The following CHSY3 variants were observed in gnomAD, a reference collection of about 807,000 sequenced individuals.
CHSY3 encodes chondroitin sulfate synthase 3.
CHSY3 carries 35 observed loss-of-function variants against 67.2 expected under a neutral mutation model. That is an observed-to-expected ratio of 0.52 (90% CI 0.40 to 0.69). The LOEUF is 0.69. CHSY3 is among the 30% of genes least tolerant of loss of function. The pLI, the probability that CHSY3 is intolerant of heterozygous loss-of-function variation, is 0.00. For missense variants in CHSY3, 1,069 were observed against 1,138.5 expected (o/e 0.94, Z 0.88); for synonymous variants, 474 against 434.7 (o/e 1.09, Z -1.12).
intron 2 of CHSY3, among the ~76,000 whole-genome samples, chr5:130,008,070 G>A (rs773265234): frequency 2.0e-5 from 3 of 152,070 alleles, no homozygotes; most frequent in African/African-American, 2.4e-5. Flanking sequence ...CTGCAGCATC[G>A]CCCACCAGTT....
In CHSY3 at chr5:130,079,567, C is replaced by T. The variant is rs764678381; in HGVS notation, c.1087-104662C>T. On this transcript the variant is annotated intron_variant, in intron 2 of 2. Transcript: ENST00000305031. ...TCTAATATCTAAAGAAAATAGTTTC[C>T]GGGACAAGAAGAATAGAATCACAGT... Among the ~76,000 whole-genome samples the T allele has an allele frequency of 4.6e-5, 7 of 152,008 alleles. No homozygotes were observed. In the East Asian group the frequency reaches 9.7e-4, roughly 21 times the overall value.
chr5:130,164,485 A>T (rs1769669548), intron 2 of CHSY3, among the ~76,000 whole-genome samples: 1 of 152,180 alleles, frequency 6.6e-6, no homozygotes, highest in Admixed American at 6.5e-5. Flanking sequence ...TTTAGTATAT[A>T]TATGTTTTAT....
intron 2 of CHSY3, among the ~76,000 whole-genome samples, chr5:129,915,098 G>C (rs757020218): frequency 5.3e-5 from 8 of 151,990 alleles, no homozygotes; most frequent in Admixed American, 3.3e-4. Context: ...TGAAATTACA[G>C]AGAAATATAT....
At chr5:129,915,847 A>G (rs1303795875) in intron 2 of CHSY3, among the ~76,000 whole-genome samples, 4 of 152,186 alleles carry the variant, frequency 2.6e-5, no homozygotes, top group African/African-American at 9.6e-5. Flanking sequence ...CCTGGCATGA[A>G]AGAGAACTCT....
chr5:130,028,247 A>G (rs951737249), intron 2 of CHSY3, among the ~76,000 whole-genome samples: 3 of 152,140 alleles, frequency 2.0e-5, no homozygotes. Context: ...GAGGCATCAC[A>G]CTACCTGACT....
intron 2 of CHSY3, among the ~76,000 whole-genome samples, chr5:129,972,213 C>T (rs1762662886): frequency 6.6e-6 from 1 of 151,976 alleles, no homozygotes; most frequent in Non-Finnish European, 1.5e-5. Flanking sequence ...AACCAGTCCC[C>T]AAGTTTAAGA....
intron 2 of CHSY3, among the ~76,000 whole-genome samples, chr5:130,112,644 T>C (rs1767625709): frequency 6.6e-6 from 1 of 152,120 alleles, no homozygotes; most frequent in Non-Finnish European, 1.5e-5. Flanking sequence ...GGACATAAAT[T>C]GTTTCTATTA....
intron 2 of CHSY3, among the ~76,000 whole-genome samples, chr5:130,168,128 T>C (rs1452334495): frequency 6.6e-6 from 1 of 152,148 alleles, no homozygotes; most frequent in Non-Finnish European, 1.5e-5. Context: ...TAAAATTTCC[T>C]ACAGAAGCCC....
At chr5:129,905,720 T>G (rs2149572747) in intron 1 of CHSY3, 89 bp downstream of exon 1, 2 of 1,538,576 alleles carry the variant, frequency 1.3e-6, no homozygotes, top group Middle Eastern at 1.8e-4. Context: ...GCCCCTCCGC[T>G]GCTTCTCTGC....
At chr5:130,063,788 G>A (rs954414203) in intron 2 of CHSY3, among the ~76,000 whole-genome samples, 1 of 152,090 alleles carries the variant, frequency 6.6e-6, no homozygotes, top group Non-Finnish European at 1.5e-5. Context: ...AGATGGAAGG[G>A]CAAGAAAGCA....
chr5:130,182,057 G>A (rs528524085), intron 2 of CHSY3, among the ~76,000 whole-genome samples: 2 of 151,882 alleles, frequency 1.3e-5, no homozygotes, highest in Non-Finnish European at 2.9e-5. Flanking sequence ...GACTCATAGG[G>A]AATATGTATG....
intron 2 of CHSY3, among the ~76,000 whole-genome samples, chr5:129,981,856 A>G (rs894839285): frequency 6.6e-6 from 1 of 152,166 alleles, no homozygotes; most frequent in African/African-American, 2.4e-5. Flanking sequence ...ATTCTTTATC[A>G]AGTACAGTAA....
chr5:130,038,027 T>C (rs902912210), intron 2 of CHSY3, among the ~76,000 whole-genome samples: 1 of 152,116 alleles, frequency 6.6e-6, no homozygotes, highest in Admixed American at 6.6e-5. Context: ...TAACCTGAAC[T>C]TGATCTTTCA....
At chr5:130,090,077 C>T (rs1000105135) in intron 2 of CHSY3, among the ~76,000 whole-genome samples, 6 of 152,150 alleles carry the variant, frequency 3.9e-5, no homozygotes, top group Non-Finnish European at 8.8e-5. Flanking sequence ...TGCCTTCACT[C>T]CAGGTACTAA....
chr5:130,026,422 G>A (rs1385222513), intron 2 of CHSY3, among the ~76,000 whole-genome samples: 3 of 152,112 alleles, frequency 2.0e-5, no homozygotes, highest in South Asian at 4.1e-4. Flanking sequence ...TTGACTGCTT[G>A]TTGAAAACAC....
chr5:130,067,700 CAAG>C (rs1023578535), intron 2 of CHSY3, among the ~76,000 whole-genome samples: 2 of 151,998 alleles, frequency 1.3e-5, no homozygotes, highest in African/African-American at 4.8e-5. Context: ...TAGGTTAGAA[CAAG>C]AAGGTGAAAG....
intron 2 of CHSY3, among the ~76,000 whole-genome samples, chr5:130,008,170 A>G (rs1325462845): frequency 6.6e-6 from 1 of 152,156 alleles, no homozygotes; most frequent in Non-Finnish European, 1.5e-5. Context: ...GTGCACATAC[A>G]TGTACATGGA....
At chr5:129,952,598 T>G (rs1271754353) in intron 2 of CHSY3, among the ~76,000 whole-genome samples, 1 of 152,228 alleles carries the variant, frequency 6.6e-6, no homozygotes, top group Non-Finnish European at 1.5e-5. Flanking sequence ...GTCCATTTGA[T>G]TCTTTAAATT....
intron 2 of CHSY3, among the ~76,000 whole-genome samples, chr5:130,128,634 T>G (rs997616020): frequency 3.9e-5 from 6 of 152,098 alleles, no homozygotes; most frequent in African/African-American, 1.4e-4. Context: ...TACCTGAAAT[T>G]GCTAAGAGTA....
Sources: allele counts gnomAD v4.1 joint callset (sites outside exome capture counted in the v4.1 genomes callset), GRCh38; gene constraint gnomAD v4.1.1; transcripts MANE v1.5; gene names NCBI Gene and HGNC (gene_info 2026-07-23, HGNC 2026-07-21).